CDYL2: variants seen among roughly 807,000 people sequenced by gnomAD.
CDYL2 encodes chromodomain Y like 2.
In CDYL2, 23 loss-of-function variants were observed where a neutral mutation model predicts 49.4. The observed-to-expected ratio is 0.47, with a 90% CI of 0.34 to 0.66. The LOEUF (loss-of-function observed/expected upper bound fraction) is 0.66, where lower values mean the gene tolerates loss of function less well. Among genes scored for constraint, CDYL2 ranks in the 30% least tolerant of loss-of-function variants. The pLI is 0.01. For synonymous variants in CDYL2, 360 were observed against 268.8 expected (o/e 1.34, Z -3.32); for missense variants, 678 against 656.4 (o/e 1.03, Z -0.36).
intron 1 of CDYL2, among the ~76,000 whole-genome samples, chr16:80,705,918 T>C (rs1904388897): frequency 6.6e-6 from 1 of 152,270 alleles, no homozygotes; most frequent in Non-Finnish European, 1.5e-5. Context: ...CATCATAAAA[T>C]CTTTCTTCAA....
intron 3 of CDYL2, among the ~76,000 whole-genome samples, chr16:80,622,216 C>A (rs1907113763): frequency 6.6e-6 from 1 of 152,178 alleles, no homozygotes; most frequent in Non-Finnish European, 1.5e-5. Flanking sequence ...CAGGGGTGGA[C>A]AGGCAGGGGT....
intron 1 of CDYL2, among the ~76,000 whole-genome samples, chr16:80,717,666 G>C (rs547391056): frequency 5.3e-4 from 81 of 152,358 alleles, no homozygotes; most frequent in Admixed American, 2.2e-3. Flanking sequence ...AGATCTGCTA[G>C]GGGCATGGAG....
chr16:80,668,489 G>C lies in CDYL2; in HGVS notation c.616+16049C>G, dbSNP rs540629265. 4.0e-5 allele frequency among the ~76,000 whole-genome samples: 6 copies of C among 150,828 alleles called. No homozygotes were observed. In the South Asian group the frequency reaches 1.3e-3, roughly 31 times the overall value. On this transcript the variant is annotated intron_variant, in intron 2 of 6. Coordinates refer to ENST00000570137, the MANE Select transcript of CDYL2 (RefSeq NM_152342.4). ...TATATAATATATGGTATGTAATAAA[G>C]TACATAGATTTAATATATATAAATA...
intron 2 of CDYL2, among the ~76,000 whole-genome samples, chr16:80,674,808 T>C (rs1909675851): frequency 6.6e-6 from 1 of 152,276 alleles, no homozygotes; most frequent in Non-Finnish European, 1.5e-5. Flanking sequence ...GACGACATTT[T>C]GTTTATCCAT....
intron 2 of CDYL2, chr16:80,639,708 C>T (rs1209492958): frequency 1.1e-5 from 5 of 455,958 alleles, no homozygotes; most frequent in South Asian, 3.1e-5. Context: ...AAAGAAGCAC[C>T]GAAGAGGTAA....
intron 1 of CDYL2, among the ~76,000 whole-genome samples, chr16:80,791,230 C>T (rs555620198): frequency 2.0e-5 from 3 of 152,296 alleles, no homozygotes; most frequent in South Asian, 2.1e-4. Context: ...ATAGGAAACA[C>T]ATTCAAGAAT....
chr16:80,641,527 G>C (rs948579722), intron 2 of CDYL2, among the ~76,000 whole-genome samples: 1 of 152,008 alleles, frequency 6.6e-6, no homozygotes, highest in African/African-American at 2.4e-5. Context: ...AGGATGTTAA[G>C]AAAATGTGGC....
At chr16:80,643,151 G>A (rs1414901018) in intron 2 of CDYL2, among the ~76,000 whole-genome samples, 1 of 152,154 alleles carries the variant, frequency 6.6e-6, no homozygotes, top group East Asian at 1.9e-4. Context: ...GGGAGAAATT[G>A]GCCAAAACAA....
intron 2 of CDYL2, among the ~76,000 whole-genome samples, chr16:80,677,333 G>A (rs1299524809): frequency 6.6e-6 from 1 of 152,070 alleles, no homozygotes; most frequent in East Asian, 1.9e-4. Context: ...CTGTTTTGTT[G>A]AGTTGTATTT....
chr16:80,648,392 A>C (rs1458168401), intron 2 of CDYL2, among the ~76,000 whole-genome samples: 1 of 152,184 alleles, frequency 6.6e-6, no homozygotes, highest in African/African-American at 2.4e-5. Flanking sequence ...ATAAAGTGGA[A>C]AAGCTAGAGG....
At chr16:80,671,061 G>T (rs7189264) in intron 2 of CDYL2, 18,586 of 451,768 alleles carry the variant, frequency 0.041, 1,202 homozygotes, top group African/African-American at 0.21. Context: ...GACCCCAGTG[G>T]AGGCTTCTCT....
chr16:80,778,047 A>G (rs1160503882), intron 1 of CDYL2, among the ~76,000 whole-genome samples: 1 of 152,088 alleles, frequency 6.6e-6, no homozygotes, highest in Non-Finnish European at 1.5e-5. Context: ...ATATCTAGTG[A>G]TAATGGGGAA....
intron 2 of CDYL2, among the ~76,000 whole-genome samples, chr16:80,634,902 G>C (rs1372653932): frequency 6.6e-6 from 1 of 152,080 alleles, no homozygotes; most frequent in Admixed American, 6.5e-5. Context: ...AACATTTTTG[G>C]AACAAATAAT....
chr16:80,749,949 G>A lies in CDYL2; in HGVS notation c.24+54201C>T, dbSNP rs190106140. On this transcript the variant is annotated intron_variant, in intron 1 of 6. Transcript: ENST00000570137. ...TGTCCTTTGTAGGGACATGGATGAA[G>A]CTGGAAACCATCATTCTCAGCAAAC... Among the ~76,000 whole-genome samples, 978 of 152,198 alleles carry A rather than the reference G, an allele frequency of 6.4e-3. 4 individuals are homozygous for A. The highest frequency in any genetic ancestry group is 0.022 in the African/African-American group (923 of 41,514).
chr16:80,609,579 G>T (rs971229746), intron 5 of CDYL2, among the ~76,000 whole-genome samples: 1 of 152,208 alleles, frequency 6.6e-6, no homozygotes, highest in Admixed American at 6.5e-5. Flanking sequence ...TCAGTCAAAT[G>T]AACTCAGCAG....
At chr16:80,658,873 A>C (rs1385538848) in intron 2 of CDYL2, among the ~76,000 whole-genome samples, 1 of 152,184 alleles carries the variant, frequency 6.6e-6, no homozygotes, top group African/African-American at 2.4e-5. Flanking sequence ...ATTGTACCTA[A>C]AAATAGGAAG....
chr16:80,707,159 T>G (rs1017280039), intron 1 of CDYL2, among the ~76,000 whole-genome samples: 5 of 152,214 alleles, frequency 3.3e-5, no homozygotes, highest in Admixed American at 2.6e-4. Flanking sequence ...AAGAAAATTT[T>G]TAGACAATAA....
intron 4 of CDYL2, among the ~76,000 whole-genome samples, chr16:80,618,258 A>G (rs968254065): frequency 1.3e-5 from 2 of 149,196 alleles, no homozygotes; most frequent in Non-Finnish European, 2.9e-5. Context: ...GAAAGTCAGG[A>G]GCCAGTTTGG....
chr16:80,791,164 T>C (rs1907596403), intron 1 of CDYL2, among the ~76,000 whole-genome samples: 2 of 152,188 alleles, frequency 1.3e-5, no homozygotes, highest in African/African-American at 4.8e-5. Flanking sequence ...AGATGGATGC[T>C]TTCGGTGAGT....
Sources: gnomAD v4.1 joint callset for allele counts (sites outside exome capture counted in the v4.1 genomes callset) on GRCh38, gnomAD v4.1.1 for gene constraint, MANE v1.5 for transcripts, NCBI Gene and HGNC (gene_info 2026-07-23, HGNC 2026-07-21) for gene names.